The following LRIF1 variants were observed in gnomAD, a reference collection of about 807,000 sequenced individuals.
LRIF1 encodes the protein ligand dependent nuclear receptor interacting factor 1.
A neutral mutation model predicts 52.7 loss-of-function variants in LRIF1; 32 were observed. That is an observed-to-expected ratio of 0.61 (90% CI 0.46 to 0.82). The LOEUF (loss-of-function observed/expected upper bound fraction) is 0.82. Ranked by LOEUF, LRIF1 falls within the 40% of genes least tolerant of loss-of-function variation. The pLI is 0.00. For missense variants in LRIF1, 887 were observed against 892.0 expected, an observed-to-expected ratio of 0.99 and a Z score of 0.07; for synonymous variants, 323 against 317.4, an observed-to-expected ratio of 1.02 and a Z score of -0.19.
chr1:110,963,720 G>T lies in LRIF1; in HGVS notation c.-32C>A, dbSNP rs145291151. On this transcript the variant is annotated 5_prime_UTR_variant, in exon 1 of 4. It adds an upstream start codon to the 5' untranslated region. Transcript: ENST00000369763. ...GGGGAGAAAGGGGACACCTCATCCA[G>T]AAAAGTGGGAAGCGTGGGGCCGAGT... The T allele has an allele frequency of 6.4e-7, 1 of 1,557,082 alleles. No individual in the cohort carries two copies. Among genetic ancestry groups the T allele is most frequent in the East Asian group, 2.3e-5 (1 of 43,804 alleles).
chr1:110,951,920 C>G lies in LRIF1; in HGVS notation c.964G>C (p.Val322Leu), dbSNP rs1167746744. 5.6e-6 allele frequency: 9 copies of G among 1,613,930 alleles called. No individual in the cohort carries two copies. Among genetic ancestry groups the G allele is most frequent in the Non-Finnish European group, 7.6e-6 (9 of 1,179,964 alleles). ...TTATCTCCCAAATTTTTCCTATCTACAAAAGTTTTTAAAATCTTTGAAGCC... is the reference window on the plus strand; with the variant it reads ...TTATCTCCCAAATTTTTCCTATCTAGAAAAGTTTTTAAAATCTTTGAAGCC... ...NVASKILKTFVDRKNLGDNTI... is the reference protein window; with the variant it reads ...NVASKILKTFLDRKNLGDNTI... The change falls in exon 2 of 4, where the codon GTA (valine) becomes CTA (leucine). Residue 322 changes from valine to leucine, a missense_variant. Transcript: ENST00000369763.
chr1:110,917,634 GTTTTTTTGTTTTTGTT>G, the LRIF1 span, among the ~76,000 whole-genome samples: 2 of 93,096 alleles, frequency 2.1e-5, no homozygotes, highest in African/African-American at 9.6e-5. Context: ...TATTTTTTTT[GTTTTTTTGTTTTTGTT>G]TTTTTTTTTT....
Position 110,962,912 on chromosome 1 carries a change from A to C in LRIF1, c.68+709T>G, listed in dbSNP as rs140616952. ...TTCCAATTCATTTCCTTGTAATACA[A>C]TTTAAAAAAAAAAACCCAAAAACTA... On this transcript the variant is annotated intron_variant, in intron 1 of 3. Coordinates refer to ENST00000369763, the MANE Select transcript of LRIF1 (RefSeq NM_018372.4). 1.3e-3 allele frequency among the ~76,000 whole-genome samples: 202 copies of C among 151,662 alleles called. 1 individual carries two copies. The highest frequency in any genetic ancestry group is 6.8e-3 in the Middle Eastern group (2 of 294).
At chr1:110,928,366 A>G in the LRIF1 span, among the ~76,000 whole-genome samples, 1 of 152,150 alleles carries the variant, frequency 6.6e-6, no homozygotes, top group Non-Finnish European at 1.5e-5. Context: ...TTTCTAACAT[A>G]TTTCTTCCTT....
the LRIF1 span, among the ~76,000 whole-genome samples, chr1:110,931,683 G>A: frequency 6.6e-6 from 1 of 152,148 alleles, no homozygotes; most frequent in African/African-American, 2.4e-5. Flanking sequence ...CATTCTAACT[G>A]GCATGAGATG....
At chr1:110,892,174 A>C in the LRIF1 span, among the ~76,000 whole-genome samples, 2 of 152,222 alleles carry the variant, frequency 1.3e-5, no homozygotes, top group Non-Finnish European at 1.5e-5. Context: ...GAGAAAGCTG[A>C]GATTGCCTCT....
At chr1:110,891,503 T>C in the LRIF1 span, 1 of 1,553,966 alleles carries the variant, frequency 6.4e-7, no homozygotes, top group Non-Finnish European at 8.9e-7. Flanking sequence ...ACGGTTTAGC[T>C]CACCTTTACC....
intron 1 of LRIF1, among the ~76,000 whole-genome samples, chr1:110,956,708 GA>G (rs1658713703): frequency 6.6e-6 from 1 of 152,172 alleles, no homozygotes; most frequent in South Asian, 2.1e-4. Flanking sequence ...AAGATGAGGT[GA>G]CAAAGAGATT....
chr1:110,886,865 A>AT, the LRIF1 span, among the ~76,000 whole-genome samples: 3 of 44,350 alleles, frequency 6.8e-5, no homozygotes, highest in South Asian at 6.6e-4. Flanking sequence ...ATATATATAT[A>AT]TATATTTTTT....
the LRIF1 span, among the ~76,000 whole-genome samples, chr1:110,923,741 G>A: frequency 0.093 from 14,084 of 152,096 alleles, 764 homozygotes; most frequent in African/African-American, 0.15. Flanking sequence ...CAGTTAAACA[G>A]GTGCCAGAGT....
intron 1 of LRIF1, among the ~76,000 whole-genome samples, chr1:110,954,640 C>T (rs1428213627): frequency 6.6e-6 from 1 of 152,060 alleles, no homozygotes; most frequent in Non-Finnish European, 1.5e-5. Flanking sequence ...CACATTTGAC[C>T]TGGATAAGAA....
the LRIF1 span, among the ~76,000 whole-genome samples, chr1:110,927,327 G>A: frequency 6.6e-6 from 1 of 152,084 alleles, no homozygotes; most frequent in African/African-American, 2.4e-5. Context: ...AGGAGCTATT[G>A]TCTTTCCTCC....
chr1:110,912,431 A>G, the LRIF1 span, among the ~76,000 whole-genome samples: 1 of 152,104 alleles, frequency 6.6e-6, no homozygotes, highest in Non-Finnish European at 1.5e-5. Flanking sequence ...AAGCTGGTCT[A>G]AAACTCCTGA....
downstream of LRIF1, among the ~76,000 whole-genome samples, chr1:110,946,666 T>C (rs2101100263): frequency 6.9e-6 from 1 of 145,096 alleles, no homozygotes; most frequent in African/African-American, 2.6e-5. Flanking sequence ...TTTTTTTTTT[T>C]TTTTTTTTGA....
the LRIF1 span, among the ~76,000 whole-genome samples, chr1:110,915,889 TG>T: frequency 6.6e-6 from 1 of 152,250 alleles, no homozygotes; most frequent in East Asian, 1.9e-4. Context: ...GATTGTCAAC[TG>T]TCTTCTCAAC....
At chr1:110,900,574 C>T in the LRIF1 span, among the ~76,000 whole-genome samples, 3 of 151,958 alleles carry the variant, frequency 2.0e-5, no homozygotes, top group Non-Finnish European at 4.4e-5. Context: ...ACCATGTTGG[C>T]CAGGCTGGTC....
Position 110,963,882 on chromosome 1 carries a change from C to G in LRIF1, c.-194G>C. On this transcript the variant is annotated 5_prime_UTR_variant, in exon 1 of 4. Coordinates refer to ENST00000369763, the MANE Select transcript of LRIF1 (RefSeq NM_018372.4). The stretch of plus-strand genomic sequence containing the variant: ...ATCCCCAGGCTTCGGGACGAGGTCG[C>G]GCACCGCGCAGAAACCGGAAGGCTC... The G allele has an allele frequency of 2.2e-6, 1 of 451,530 alleles. No homozygotes were observed. Among genetic ancestry groups the G allele is most frequent in the Admixed American group, 3.3e-5 (1 of 30,244 alleles). 28.0% of individuals were successfully genotyped at this position (451,530 alleles called of 1,614,324 possible). A position where few individuals can be genotyped will look rare whatever the true frequency, so the allele number is the denominator to read the frequency against.
the LRIF1 span, among the ~76,000 whole-genome samples, chr1:110,895,277 GT>G: frequency 6.6e-6 from 1 of 152,046 alleles, no homozygotes. Context: ...ACATGAATAG[GT>G]TTATTTTCTA....
chr1:110,945,439 CCTTT>C (rs754314510), downstream of LRIF1, among the ~76,000 whole-genome samples: 51 of 140,900 alleles, frequency 3.6e-4, no homozygotes, highest in Middle Eastern at 3.5e-3. Context: ...CTCTCTCCTT[CCTTT>C]GAGACGGAGT....
Sources: allele counts gnomAD v4.1 joint callset (sites outside exome capture counted in the v4.1 genomes callset), GRCh38; gene constraint gnomAD v4.1.1; transcripts MANE v1.5; gene names NCBI Gene and HGNC (gene_info 2026-07-23, HGNC 2026-07-21).